ZNF678: variants seen among roughly 807,000 people sequenced by gnomAD.
The protein encoded by ZNF678 is zinc finger protein 678.
A neutral mutation model predicts 3.0 loss-of-function variants in ZNF678; 5 were observed. The observed-to-expected ratio is 1.69, with a 90% CI of 0.88 to 3.56. The LOEUF is 3.56. Ranked by LOEUF, ZNF678 falls within the 30% of genes most tolerant of loss-of-function variation. The pLI is 0.00. For missense variants in ZNF678, 593 were observed against 605.0 expected (o/e 0.98, Z 0.21); for synonymous variants, 218 against 199.6 (o/e 1.09, Z -0.78).
intron 1 of ZNF678, among the ~76,000 whole-genome samples, chr1:227,579,369 TCAGGGGAAGACC>T (rs1250953066): frequency 6.6e-6 from 1 of 152,012 alleles, no homozygotes; most frequent in East Asian, 1.9e-4. Flanking sequence ...GGAGTGTTGC[TCAGGGGAAGACC>T]CACTGTTCTC....
At chr1:227,621,260 A>G (rs1044285405) in intron 1 of ZNF678, among the ~76,000 whole-genome samples, 28 of 152,192 alleles carry the variant, frequency 1.8e-4, no homozygotes, top group Middle Eastern at 3.4e-3. Flanking sequence ...AAAAGTTTCT[A>G]TTTTTTCTCA....
chr1:227,591,952 T>A (rs533719741), intron 1 of ZNF678, among the ~76,000 whole-genome samples: 39 of 152,216 alleles, frequency 2.6e-4, no homozygotes, highest in Admixed American at 4.6e-4. Context: ...CGTGGACCAG[T>A]CAGTTTCCGC....
intron 1 of ZNF678, among the ~76,000 whole-genome samples, chr1:227,618,677 C>A (rs1658199677): frequency 6.6e-6 from 1 of 152,114 alleles, no homozygotes; most frequent in Non-Finnish European, 1.5e-5. Flanking sequence ...GTAAAAAAAT[C>A]AAGTATCATC....
At chr1:227,596,080 C>T (rs530369512) in intron 1 of ZNF678, among the ~76,000 whole-genome samples, 3 of 152,328 alleles carry the variant, frequency 2.0e-5, no homozygotes, top group African/African-American at 7.2e-5. Context: ...CCATGGGAGC[C>T]TGCCACACAC....
At chr1:227,586,042 G>T (rs1657253401) in intron 1 of ZNF678, among the ~76,000 whole-genome samples, 1 of 151,910 alleles carries the variant, frequency 6.6e-6, no homozygotes, top group Non-Finnish European at 1.5e-5. Flanking sequence ...AAAATGATGA[G>T]CCAGGCAAGA....
rs151083594 is a variant in ZNF678, at chr1:227,654,458, T to C, written c.208T>C (p.Trp70Arg). The C allele has an allele frequency of 1.2e-5, 20 of 1,613,204 alleles. No individual in the cohort carries two copies. The Middle Eastern group carries it at 6.6e-4, about 53-fold the overall frequency. Reference sequence around the variant, plus strand: ...TGACAATTTGCACTTAGTGAAAGACTGGAGAACTGTGAATGAAGGTAAGGG... The same window carrying C: ...TGACAATTTGCACTTAGTGAAAGACCGGAGAACTGTGAATGAAGGTAAGGG... ...GLDNLHLVKD[W>R]RTVNEGKGQK... The change falls in exon 4 of 4, where the codon TGG becomes CGG. Residue 70 changes from tryptophan to arginine, a missense_variant. Transcript: ENST00000343776.
intron 1 of ZNF678, among the ~76,000 whole-genome samples, chr1:227,599,263 A>G (rs1456257513): frequency 2.0e-5 from 3 of 152,134 alleles, no homozygotes; most frequent in Non-Finnish European, 4.4e-5. Flanking sequence ...CGTTGGTATC[A>G]TGTCATAATT....
At chr1:227,613,790 T>C (rs1231577853) in intron 1 of ZNF678, among the ~76,000 whole-genome samples, 1 of 152,172 alleles carries the variant, frequency 6.6e-6, no homozygotes, top group Non-Finnish European at 1.5e-5. Context: ...GTTGGAGTCC[T>C]CTACTGTGTG....
chr1:227,585,195 TTCTG>T (rs1657226682), intron 1 of ZNF678, among the ~76,000 whole-genome samples: 1 of 152,194 alleles, frequency 6.6e-6, no homozygotes, highest in African/African-American at 2.4e-5. Flanking sequence ...GTTAATCGTT[TTCTG>T]TCTAGATCTG....
intron 5 of ZNF678, among the ~76,000 whole-genome samples, chr1:227,671,103 A>C (rs1175749225): frequency 1.5e-5 from 2 of 131,024 alleles, no homozygotes; most frequent in Non-Finnish European, 3.1e-5. Context: ...TTAAGACAGG[A>C]TCTCACTCTG....
rs996336019 is a variant in ZNF678, at chr1:227,648,621, C to T, written c.-37+1951C>T. ...TCACTTGTGGTTAGGAGTTCGATAC[C>T]AGCCTGGCCAACATAATGAAACCCC... On this transcript the variant is annotated intron_variant, in intron 2 of 3. Coordinates refer to ENST00000343776, the MANE Select transcript of ZNF678 (RefSeq NM_001367909.1). Among the ~76,000 whole-genome samples, 24 of 152,044 alleles carry T rather than the reference C, an allele frequency of 1.6e-4. 1 individual carries two copies. The highest frequency in any genetic ancestry group is 2.6e-4 in the Admixed American group (4 of 15,264).
intron 1 of ZNF678, among the ~76,000 whole-genome samples, chr1:227,627,092 T>G (rs947093264): frequency 5.3e-5 from 8 of 150,120 alleles, no homozygotes; most frequent in African/African-American, 2.0e-4. Flanking sequence ...AGCTTGGCGA[T>G]AAGGCAGGGG....
intron 1 of ZNF678, among the ~76,000 whole-genome samples, chr1:227,565,321 C>A (rs1267625786): frequency 6.6e-6 from 1 of 152,108 alleles, no homozygotes; most frequent in Admixed American, 6.5e-5. Context: ...GCCTCTCCCT[C>A]CCAAAGCGTT....
At chr1:227,676,544 T>G (rs1020844390) in intron 5 of ZNF678, among the ~76,000 whole-genome samples, 1 of 152,204 alleles carries the variant, frequency 6.6e-6, no homozygotes. Flanking sequence ...TATTATACTT[T>G]AAGTTTTGGG....
At chr1:227,624,607 G>T (rs2999750) in intron 1 of ZNF678, among the ~76,000 whole-genome samples, 20 of 152,130 alleles carry the variant, frequency 1.3e-4, no homozygotes, top group Non-Finnish European at 2.1e-4. Flanking sequence ...ACCTGGGGTT[G>T]TTGGCCTCAC....
At chr1:227,648,616 G>A (rs1162856033) in intron 2 of ZNF678, among the ~76,000 whole-genome samples, 4 of 152,086 alleles carry the variant, frequency 2.6e-5, no homozygotes, top group African/African-American at 7.2e-5. Flanking sequence ...TTAGGAGTTC[G>A]ATACCAGCCT....
chr1:227,607,799 ATTAT>A (rs1558141455), intron 1 of ZNF678, among the ~76,000 whole-genome samples: 5 of 146,952 alleles, frequency 3.4e-5, no homozygotes, highest in Admixed American at 1.4e-4. Flanking sequence ...TATATGCTAT[ATTAT>A]TTAGTTATAT....
downstream of ZNF678, among the ~76,000 whole-genome samples, chr1:227,677,621 G>A (rs78757786): frequency 5.2e-3 from 787 of 152,298 alleles, 8 homozygotes; most frequent in African/African-American, 0.018. Context: ...TGACCAAGAC[G>A]ATGGCACCTC....
chr1:227,600,258 C>T (rs924034611), intron 1 of ZNF678, among the ~76,000 whole-genome samples: 1 of 152,140 alleles, frequency 6.6e-6, no homozygotes, highest in African/African-American at 2.4e-5. Context: ...GTAAATAGTG[C>T]TGCAGTGAAC....
Sources: allele counts gnomAD v4.1 joint callset (sites outside exome capture counted in the v4.1 genomes callset), GRCh38; gene constraint gnomAD v4.1.1; transcripts MANE v1.5; gene names NCBI Gene and HGNC (gene_info 2026-07-23, HGNC 2026-07-21).